ZCCHC17: variants seen among roughly 807,000 people sequenced by gnomAD.
ZCCHC17 encodes zinc finger CCHC-type containing 17.
A neutral mutation model predicts 30.6 loss-of-function variants in ZCCHC17; 18 were observed. The ratio of observed to expected loss-of-function variants is 0.59; its 90% CI spans 0.41 to 0.87. The LOEUF is 0.87. Among genes scored for constraint, ZCCHC17 ranks in the 40% least tolerant of loss-of-function variants. ZCCHC17 has a pLI of 0.00. For missense variants in ZCCHC17, 263 were observed against 284.2 expected (o/e 0.93, Z 0.54); for synonymous variants, 88 against 92.4 (o/e 0.95, Z 0.27).
chr1:31,360,361 G>T (rs920603564), intron 7 of ZCCHC17, among the ~76,000 whole-genome samples: 4 of 152,222 alleles, frequency 2.6e-5, no homozygotes, highest in African/African-American at 7.2e-5. Flanking sequence ...TAGAGATGGG[G>T]TTTCTTCATG....
intron 7 of ZCCHC17, among the ~76,000 whole-genome samples, chr1:31,354,724 T>G (rs1557459319): frequency 6.6e-6 from 1 of 152,312 alleles, no homozygotes; most frequent in East Asian, 1.9e-4. Context: ...TGTATTTCAG[T>G]TCACAAAACC....
chr1:31,330,909 C>G (rs1638557783), intron 3 of ZCCHC17, among the ~76,000 whole-genome samples: 1 of 152,168 alleles, frequency 6.6e-6, no homozygotes, highest in African/African-American at 2.4e-5. Context: ...TGAAGTCTCT[C>G]CCAAGAATTC....
intron 3 of ZCCHC17, among the ~76,000 whole-genome samples, chr1:31,334,658 G>A (rs1638744123): frequency 6.6e-6 from 1 of 151,842 alleles, no homozygotes; most frequent in Non-Finnish European, 1.5e-5. Context: ...TAATCATACT[G>A]TATAATTTTG....
chr1:31,298,455 G>C (rs2148398160), intron 1 of ZCCHC17, among the ~76,000 whole-genome samples: 1 of 148,594 alleles, frequency 6.7e-6, no homozygotes, highest in African/African-American at 2.5e-5. Flanking sequence ...GTGCAACCTT[G>C]GCTCACTGCA....
At chr1:31,297,396 G>A (rs796408657) in intron 1 of ZCCHC17, among the ~76,000 whole-genome samples, 3 of 152,340 alleles carry the variant, frequency 2.0e-5, no homozygotes, top group African/African-American at 7.2e-5. Flanking sequence ...GGCCGAGGAG[G>A]CTGACTTGTT....
At chr1:31,354,896 C>T (rs368221535) in intron 7 of ZCCHC17, among the ~76,000 whole-genome samples, 22 of 152,038 alleles carry the variant, frequency 1.4e-4, no homozygotes, top group African/African-American at 3.9e-4. Flanking sequence ...TATCTTTGGC[C>T]GGGCACGGTG....
intron 2 of ZCCHC17, among the ~76,000 whole-genome samples, chr1:31,316,529 A>C (rs1646736963): frequency 6.6e-6 from 1 of 152,258 alleles, no homozygotes; most frequent in African/African-American, 2.4e-5. Flanking sequence ...TGGTCCAGAA[A>C]GAAGCGATTT....
At chr1:31,359,975 A>G (rs1310195212) in intron 7 of ZCCHC17, among the ~76,000 whole-genome samples, 3 of 145,986 alleles carry the variant, frequency 2.1e-5, no homozygotes, top group Admixed American at 2.0e-4. Context: ...TTGCTTTTGA[A>G]CTACAACCTT....
At chr1:31,299,784 G>A (rs193163348) in intron 1 of ZCCHC17, among the ~76,000 whole-genome samples, 1 of 152,282 alleles carries the variant, frequency 6.6e-6, no homozygotes, top group Admixed American at 6.5e-5. Context: ...CCAGGTTAGA[G>A]GTACTGCCAG....
At chr1:31,335,692 A>G (rs1369315843) in intron 3 of ZCCHC17, among the ~76,000 whole-genome samples, 1 of 152,204 alleles carries the variant, frequency 6.6e-6, no homozygotes, top group Non-Finnish European at 1.5e-5. Flanking sequence ...TATTTTTATT[A>G]AATGTGTAAT....
At chr1:31,318,862 C>A (rs1203652608) in intron 2 of ZCCHC17, among the ~76,000 whole-genome samples, 1 of 151,972 alleles carries the variant, frequency 6.6e-6, no homozygotes, top group African/African-American at 2.4e-5. Flanking sequence ...TTGGGTATTC[C>A]TCAGTATCAT....
chr1:31,306,771 G>T (rs892244980), intron 1 of ZCCHC17, among the ~76,000 whole-genome samples: 3 of 152,108 alleles, frequency 2.0e-5, no homozygotes, highest in Non-Finnish European at 4.4e-5. Context: ...TGGCTCAAGC[G>T]ATCCTCTTGC....
At chr1:31,340,489 G>A (rs935398745) in intron 5 of ZCCHC17, among the ~76,000 whole-genome samples, 4 of 152,034 alleles carry the variant, frequency 2.6e-5, no homozygotes, top group African/African-American at 7.2e-5. Context: ...GGCTAATTTT[G>A]TATTTTTAGT....
chr1:31,325,417 G>A lies in ZCCHC17; in HGVS notation c.124+6251G>A, dbSNP rs570996702. On this transcript the variant is annotated intron_variant, in intron 3 of 7. Coordinates refer to ENST00000344147, the MANE Select transcript of ZCCHC17 (RefSeq NM_016505.4). ...TGTGACACCTCTTTGGGGCTTTATG[G>A]TTCCTGGCCTCTCCAAGCTTCTGGG... 7.2e-5 allele frequency among the ~76,000 whole-genome samples: 11 copies of A among 152,338 alleles called. No individual in the cohort carries two copies. In the East Asian group the frequency reaches 2.1e-3, roughly 29 times the overall value.
chr1:31,334,793 G>GT (rs1638748683), intron 3 of ZCCHC17, among the ~76,000 whole-genome samples: 2 of 152,106 alleles, frequency 1.3e-5, no homozygotes, highest in Non-Finnish European at 2.9e-5. Flanking sequence ...CTTTTGAATG[G>GT]ACCATCAAGC....
intron 7 of ZCCHC17, 129 bp downstream of exon 7, chr1:31,349,103 C>T (rs572484016): frequency 3.5e-6 from 4 of 1,137,146 alleles, no homozygotes; most frequent in African/African-American, 3.2e-5. Flanking sequence ...GAGGATTGCT[C>T]GAGGCCAGAA....
chr1:31,325,164 C>G (rs1638285125), intron 3 of ZCCHC17, among the ~76,000 whole-genome samples: 1 of 152,176 alleles, frequency 6.6e-6, no homozygotes, highest in African/African-American at 2.4e-5. Context: ...TGGGTCTCCT[C>G]TCTGCTAAGA....
intron 3 of ZCCHC17, among the ~76,000 whole-genome samples, chr1:31,321,638 C>T (rs1021180645): frequency 6.6e-6 from 1 of 152,254 alleles, no homozygotes; most frequent in Non-Finnish European, 1.5e-5. Context: ...CCACACCCGG[C>T]TAATTTTTAG....
At chr1:31,339,956 A>ATTTT (rs1258794486) in intron 5 of ZCCHC17, among the ~76,000 whole-genome samples, 4 of 58,630 alleles carry the variant, frequency 6.8e-5, no homozygotes, top group Admixed American at 1.7e-4. Context: ...TCTTTCTTGG[A>ATTTT]TTTCTTTTTT....
Sources: gnomAD v4.1 joint callset for allele counts (sites outside exome capture counted in the v4.1 genomes callset) on GRCh38, gnomAD v4.1.1 for gene constraint, MANE v1.5 for transcripts, NCBI Gene and HGNC (gene_info 2026-07-23, HGNC 2026-07-21) for gene names.